FER: variants seen among roughly 807,000 people sequenced by gnomAD.
FER encodes tyrosine-protein kinase Fer.
A neutral mutation model predicts 111.0 loss-of-function variants in FER; 63 were observed. The observed-to-expected ratio is 0.57, with a 90% CI of 0.46 to 0.70. FER has a LOEUF of 0.70. Ranked by LOEUF, FER falls within the 30% of genes least tolerant of loss-of-function variation. The pLI is 0.00. For missense variants in FER, 914 were observed against 954.0 expected (o/e 0.96, Z 0.55); for synonymous variants, 327 against 313.9 (o/e 1.04, Z -0.44).
At chr5:108,865,187 T>A in intron 5 of FER, among the ~76,000 whole-genome samples, 1 of 152,120 alleles carries the variant, frequency 6.6e-6, no homozygotes, top group African/African-American at 2.4e-5. Context: ...ATGCTTGTGA[T>A]TTTTGCACAT....
intron 10 of FER, among the ~76,000 whole-genome samples, chr5:108,934,634 T>C (rs946444414): frequency 1.8e-4 from 28 of 152,162 alleles, no homozygotes; most frequent in Admixed American, 1.8e-3. Flanking sequence ...TGAAAAGAGA[T>C]GCTAGCGAAG....
chr5:109,167,494 T>C (rs944751593), intron 17 of FER, among the ~76,000 whole-genome samples: 1 of 152,166 alleles, frequency 6.6e-6, no homozygotes, highest in African/African-American at 2.4e-5. Context: ...TACACCATCA[T>C]TGTCAAATAT....
intron 17 of FER, among the ~76,000 whole-genome samples, chr5:109,116,285 A>C (rs941681857): frequency 2.0e-5 from 3 of 152,092 alleles, no homozygotes; most frequent in Admixed American, 1.3e-4. Context: ...TTGAAAAGCA[A>C]TGTAGTAGTA....
At chr5:108,889,513 T>G (rs1747693639) in intron 9 of FER, among the ~76,000 whole-genome samples, 1 of 151,900 alleles carries the variant, frequency 6.6e-6, no homozygotes, top group Admixed American at 6.6e-5. Context: ...TTTGAACTCC[T>G]GGAGATAGAG....
chr5:109,062,089 G>A (rs1335817636), intron 16 of FER, among the ~76,000 whole-genome samples: 1 of 149,212 alleles, frequency 6.7e-6, no homozygotes, highest in African/African-American at 2.4e-5. Context: ...ACAAAAGTCA[G>A]CTCTAAATGG....
intron 13 of FER, among the ~76,000 whole-genome samples, chr5:108,966,223 T>C (rs1171114940): frequency 1.3e-5 from 2 of 152,076 alleles, no homozygotes; most frequent in Non-Finnish European, 2.9e-5. Flanking sequence ...TTTATAAATA[T>C]TTGAAGGGAA....
chr5:108,790,246 C>CACACAG (rs1292462405), intron 2 of FER, among the ~76,000 whole-genome samples: 1 of 150,636 alleles, frequency 6.6e-6, no homozygotes, highest in Non-Finnish European at 1.5e-5. Flanking sequence ...CACACACACA[C>CACACAG]ACACACACAC....
chr5:108,794,524 G>GCCCCCCCCC (rs1415651696), intron 2 of FER, among the ~76,000 whole-genome samples: 28 of 53,702 alleles, frequency 5.2e-4, no homozygotes, highest in African/African-American at 7.1e-4. Context: ...TGCCCCCTCC[G>GCCCCCCCCC]CACCCCCCCC....
At chr5:108,950,354 C>A (rs1301099018) in intron 11 of FER, among the ~76,000 whole-genome samples, 2 of 151,756 alleles carry the variant, frequency 1.3e-5, no homozygotes, top group Non-Finnish European at 2.9e-5. Flanking sequence ...TATTGTAGTA[C>A]AAAAAATTGT....
At chr5:108,998,633 C>T (rs748347754) in intron 13 of FER, among the ~76,000 whole-genome samples, 12 of 152,192 alleles carry the variant, frequency 7.9e-5, no homozygotes, top group Non-Finnish European at 1.6e-4. Flanking sequence ...TATGTTCCAT[C>T]AATACCTAGT....
chr5:108,904,628 A>G (rs567996008), intron 10 of FER, among the ~76,000 whole-genome samples: 9 of 152,310 alleles, frequency 5.9e-5, no homozygotes, highest in African/African-American at 1.9e-4. Context: ...ACATTTTTAC[A>G]TGGTTTTCAA....
chr5:108,756,300 A>G (rs992066228), intron 1 of FER, among the ~76,000 whole-genome samples: 1 of 151,978 alleles, frequency 6.6e-6, no homozygotes, highest in Non-Finnish European at 1.5e-5. Context: ...TTAAATTTTC[A>G]CTAAGGTTTT....
At chr5:108,758,898 A>G (rs951902023) in intron 1 of FER, among the ~76,000 whole-genome samples, 1 of 152,174 alleles carries the variant, frequency 6.6e-6, no homozygotes, top group Non-Finnish European at 1.5e-5. Context: ...CCTCCTTTGT[A>G]TATATGCCCT....
intron 9 of FER, among the ~76,000 whole-genome samples, chr5:108,895,644 A>G (rs180938464): frequency 6.6e-6 from 1 of 152,312 alleles, no homozygotes; most frequent in East Asian, 1.9e-4. Flanking sequence ...GCCCACCTGA[A>G]TAATACAGGA....
At chr5:109,068,087 C>G (rs1775329282) in intron 16 of FER, among the ~76,000 whole-genome samples, 2 of 151,952 alleles carry the variant, frequency 1.3e-5, no homozygotes, top group African/African-American at 2.4e-5. Flanking sequence ...TTCCAGAATA[C>G]TCGATTATGG....
intron 17 of FER, among the ~76,000 whole-genome samples, chr5:109,176,229 A>T (rs1757673500): frequency 6.6e-6 from 1 of 152,228 alleles, no homozygotes; most frequent in African/African-American, 2.4e-5. Flanking sequence ...TAAGATAAGG[A>T]ATCAACCTAA....
chr5:109,070,961 T>C (rs1049104894), intron 16 of FER, among the ~76,000 whole-genome samples: 2 of 152,024 alleles, frequency 1.3e-5, no homozygotes, highest in African/African-American at 4.8e-5. Flanking sequence ...ACATATCAAG[T>C]ATCTATCGTA....
Position 109,192,338 on chromosome 5 carries a change from G to A in FER, c.*4763G>A, listed in dbSNP as rs1458844015. The A allele has an allele frequency of 2.0e-5, 3 of 152,192 alleles. No homozygotes were observed. Among genetic ancestry groups the A allele is most frequent in the Non-Finnish European group, 2.9e-5 (2 of 68,060 alleles). 9.4% of individuals were successfully genotyped at this position (152,192 alleles called of 1,614,324 possible). ...TCATTAGGAAGCCTGAGGAGAACAT[G>A]CTACAAGGCCAGATCCTGTCCTATG... On this transcript the variant is annotated 3_prime_UTR_variant, in exon 20 of 20. Coordinates refer to ENST00000281092, the MANE Select transcript of FER (RefSeq NM_005246.4).
chr5:109,091,674 C>T (rs1398256215), intron 16 of FER, among the ~76,000 whole-genome samples: 2 of 152,144 alleles, frequency 1.3e-5, no homozygotes, highest in Non-Finnish European at 2.9e-5. Context: ...CTGCACATAG[C>T]CAAGCCATGA....
Sources: gnomAD v4.1 joint callset for allele counts (sites outside exome capture counted in the v4.1 genomes callset) on GRCh38, gnomAD v4.1.1 for gene constraint, MANE v1.5 for transcripts, NCBI Gene and HGNC (gene_info 2026-07-23, HGNC 2026-07-21) for gene names.